The following CEP63 variants were observed in gnomAD, a reference collection of about 807,000 sequenced individuals.
CEP63 encodes centrosomal protein 63, also known as centrosomal protein of 63 kDa.
In CEP63, 84 loss-of-function variants were observed where a neutral mutation model predicts 89.1. The ratio of observed to expected loss-of-function variants is 0.94; its 90% CI spans 0.79 to 1.13. The LOEUF (loss-of-function observed/expected upper bound fraction) is 1.13, where lower values mean the gene tolerates loss of function less well. CEP63 is among the 50% of genes most tolerant of loss of function. The probability of loss-of-function intolerance (pLI) is 0.00; values close to 1 mark genes in which losing one functional copy is unlikely to be tolerated. For missense variants in CEP63, 838 were observed against 813.3 expected, an observed-to-expected ratio of 1.03 and a Z score of -0.37; for synonymous variants, 267 against 272.5, an observed-to-expected ratio of 0.98 and a Z score of 0.20.
At chr3:134,568,182 A>G (rs1037962885), downstream of CEP63, among the ~76,000 whole-genome samples, 1 of 151,846 alleles carries the variant, frequency 6.6e-6, no homozygotes, top group Non-Finnish European at 1.5e-5. Context: ...AGCTGTCCTG[A>G]TTTCTGTGGC....
Position 134,564,467 on chromosome 3 carries a change from C to G in CEP63, c.*2932C>G. On this transcript the variant is annotated 3_prime_UTR_variant, in exon 15 of 15. Coordinates refer to ENST00000675561, the MANE Select transcript of CEP63 (RefSeq NM_001353108.3). ...ATGGCACCCTGTGTGTGGCTCTGAC[C>G]AGACTTTGCTATCCGCTTTGATTTC... 2.0e-6 allele frequency: 2 copies of G among 985,432 alleles called. No individual in the cohort carries two copies. The highest frequency in any genetic ancestry group is 2.4e-6 in the Non-Finnish European group (2 of 829,962). 61.0% of individuals were successfully genotyped at this position (985,432 alleles called of 1,614,324 possible). A position where few individuals can be genotyped will look rare whatever the true frequency, so the allele number is the denominator to read the frequency against.
chr3:134,490,176 A>G (rs761720630), intron 1 of CEP63, among the ~76,000 whole-genome samples: 6 of 152,124 alleles, frequency 3.9e-5, no homozygotes, highest in Non-Finnish European at 8.8e-5. Context: ...AGGAAATATT[A>G]TATATTAAAA....
chr3:134,652,447 C>G, the CEP63 span, among the ~76,000 whole-genome samples: 4 of 150,890 alleles, frequency 2.7e-5, no homozygotes, highest in Non-Finnish European at 4.4e-5. Flanking sequence ...TACCAGCGCC[C>G]CCCCCCACCA....
chr3:134,556,618 T>C (rs994593901), intron 12 of CEP63, among the ~76,000 whole-genome samples: 3 of 152,158 alleles, frequency 2.0e-5, no homozygotes, highest in Non-Finnish European at 4.4e-5. Flanking sequence ...TCTTATCTTA[T>C]GCAGTGATTA....
chr3:134,603,609 G>A, the CEP63 span: 9 of 1,596,366 alleles, frequency 5.6e-6, no homozygotes, highest in African/African-American at 1.1e-4. Flanking sequence ...ATTTCAGGAT[G>A]TAGGAGTAGA....
At chr3:134,521,027 A>G (rs1947323224) in intron 3 of CEP63, among the ~76,000 whole-genome samples, 1 of 152,198 alleles carries the variant, frequency 6.6e-6, no homozygotes, top group Non-Finnish European at 1.5e-5. Flanking sequence ...AATAATGAAC[A>G]TTTCATATAT....
the CEP63 span, among the ~76,000 whole-genome samples, chr3:134,593,316 G>A: frequency 6.6e-6 from 1 of 152,150 alleles, no homozygotes; most frequent in African/African-American, 2.4e-5. Context: ...TACTTACTAT[G>A]TGCCCGGGAC....
the CEP63 span, among the ~76,000 whole-genome samples, chr3:134,766,202 T>A: frequency 6.6e-6 from 1 of 152,174 alleles, no homozygotes; most frequent in South Asian, 2.1e-4. Flanking sequence ...AATGTTAGGA[T>A]CTACCTCTCC....
chr3:134,737,792 C>A, the CEP63 span, among the ~76,000 whole-genome samples: 6 of 152,162 alleles, frequency 3.9e-5, no homozygotes, highest in South Asian at 1.0e-3. Context: ...GTTATTTGAC[C>A]GGGGCTGCTG....
chr3:134,647,550 G>A, the CEP63 span: 3 of 1,133,458 alleles, frequency 2.6e-6, no homozygotes, highest in Non-Finnish European at 4.0e-6. Flanking sequence ...AAAGAGTGAT[G>A]TACCAGTTGC....
chr3:134,710,425 C>T, the CEP63 span, among the ~76,000 whole-genome samples: 57 of 152,340 alleles, frequency 3.7e-4, no homozygotes, highest in African/African-American at 1.3e-3. Flanking sequence ...CACAGGCTCA[C>T]TGCAAGAAGC....
the CEP63 span, among the ~76,000 whole-genome samples, chr3:134,593,935 A>G: frequency 7.9e-5 from 12 of 152,186 alleles, no homozygotes; most frequent in African/African-American, 1.9e-4. Flanking sequence ...CAAAAGGTTC[A>G]TGGTACCCAC....
At chr3:134,553,413 A>G (rs1577350902) in intron 12 of CEP63, 1 of 152,194 alleles carries the variant, frequency 6.6e-6, no homozygotes, top group Non-Finnish European at 1.5e-5. Context: ...AAAACAGTTT[A>G]TAATCAGACA....
the CEP63 span, among the ~76,000 whole-genome samples, chr3:134,679,608 T>C: frequency 6.6e-6 from 1 of 152,248 alleles, no homozygotes; most frequent in Non-Finnish European, 1.5e-5. Context: ...TCATATGTTG[T>C]AGTCTTAACC....
chr3:134,520,667 G>A (rs1449939623), intron 3 of CEP63, among the ~76,000 whole-genome samples: 1 of 152,086 alleles, frequency 6.6e-6, no homozygotes, highest in Non-Finnish European at 1.5e-5. Context: ...AGACAGTGTG[G>A]TATTGCAAGG....
chr3:134,763,072 T>C, the CEP63 span, among the ~76,000 whole-genome samples: 6 of 152,180 alleles, frequency 3.9e-5, no homozygotes, highest in Non-Finnish European at 8.8e-5. Flanking sequence ...ATATTTTTTT[T>C]TCTCTCTCTC....
chr3:134,694,052 C>T, the CEP63 span, among the ~76,000 whole-genome samples: 1 of 152,228 alleles, frequency 6.6e-6, no homozygotes, highest in Non-Finnish European at 1.5e-5. Context: ...ACCTTCTCCA[C>T]CAGTTCACTG....
At chr3:134,768,395 C>T in the CEP63 span, among the ~76,000 whole-genome samples, 29 of 152,218 alleles carry the variant, frequency 1.9e-4, no homozygotes, top group Non-Finnish European at 3.1e-4. Flanking sequence ...TTTGAATTTC[C>T]CAATCTCTGT....
rs537068063 is a variant in CEP63, at chr3:134,571,794, A to G, written c.1330-2999A>G. Among the ~76,000 whole-genome samples, 3 of 152,342 alleles carry G rather than the reference A, an allele frequency of 2.0e-5. No individual in the cohort carries two copies. The East Asian group carries it at 5.8e-4, about 29-fold the overall frequency. On this transcript the variant is annotated intron_variant, in intron 11 of 11. Coordinates refer to the CEP63 transcript ENST00000354446. ...AGAAAAAACAAATTTGTGATGTAGT[A>G]TTATATGCACTTCTTTGTTAACTCA...
Sources: gnomAD v4.1 joint callset for allele counts (sites outside exome capture counted in the v4.1 genomes callset) on GRCh38, gnomAD v4.1.1 for gene constraint, MANE v1.5 for transcripts, NCBI Gene and HGNC (gene_info 2026-07-23, HGNC 2026-07-21) for gene names.